OR2L13: variants seen among roughly 807,000 people sequenced by gnomAD.
The protein encoded by OR2L13 is olfactory receptor 2L13.
OR2L13 carries 14 observed loss-of-function variants against 15.3 expected under a neutral mutation model. The ratio of observed to expected loss-of-function variants is 0.91; its 90% confidence interval spans 0.60 to 1.43. OR2L13 has a LOEUF of 1.43. Ranked by LOEUF, OR2L13 falls within the 40% of genes most tolerant of loss-of-function variation. The pLI, the probability that OR2L13 is intolerant of heterozygous loss-of-function variation, is 0.00. For synonymous variants in OR2L13, 152 were observed against 142.9 expected, an observed-to-expected ratio of 1.06 and a Z score of -0.45; for missense variants, 367 against 387.9, an observed-to-expected ratio of 0.95 and a Z score of 0.45.
At chr1:248,090,899 A>G (rs139909810), upstream of OR2L13, among the ~76,000 whole-genome samples, 3 of 152,270 alleles carry the variant, frequency 2.0e-5, no homozygotes, top group Admixed American at 6.5e-5. Flanking sequence ...TTACATTTGC[A>G]CCAGTAGTGT....
At chr1:247,981,173 G>A in the OR2L13 span, among the ~76,000 whole-genome samples, 1 of 152,142 alleles carries the variant, frequency 6.6e-6, no homozygotes, top group Non-Finnish European at 1.5e-5. Flanking sequence ...GATGTTCATG[G>A]AAGAGATGGG....
chr1:247,971,778 A>T, the OR2L13 span, among the ~76,000 whole-genome samples: 2 of 152,200 alleles, frequency 1.3e-5, no homozygotes, highest in African/African-American at 4.8e-5. Flanking sequence ...CCGAATAGAC[A>T]TCTACAGAAC....
At chr1:247,942,989 A>G in the OR2L13 span, among the ~76,000 whole-genome samples, 1 of 151,940 alleles carries the variant, frequency 6.6e-6, no homozygotes, top group South Asian at 2.1e-4. Flanking sequence ...GTCTTTTGTG[A>G]CGGACTTATT....
At chr1:247,964,296 A>G in the OR2L13 span, among the ~76,000 whole-genome samples, 7 of 152,154 alleles carry the variant, frequency 4.6e-5, no homozygotes, top group African/African-American at 7.2e-5. Flanking sequence ...TTTGGATTCT[A>G]TCACATCTGA....
chr1:248,100,274 T>C, exon 3 of OR2L13: 2 of 1,611,924 alleles, frequency 1.2e-6, no homozygotes, highest in Non-Finnish European at 8.5e-7. Context: ...CTGGGGGCTA[T>C]GAGGAGAGTG....
the OR2L13 span, among the ~76,000 whole-genome samples, chr1:248,019,484 A>G: frequency 1.3e-3 from 195 of 152,278 alleles, no homozygotes; most frequent in Admixed American, 2.1e-3. Context: ...GGCACTGACT[A>G]TACTTTTATG....
chr1:248,023,403 A>G, the OR2L13 span: 1 of 152,266 alleles, frequency 6.6e-6, no homozygotes, highest in African/African-American at 2.4e-5. Flanking sequence ...GCCTTTAGTA[A>G]AACAACAATT....
chr1:248,076,568 T>C, the OR2L13 span, among the ~76,000 whole-genome samples: 1 of 152,202 alleles, frequency 6.6e-6, no homozygotes, highest in African/African-American at 2.4e-5. Context: ...TCATATCCCT[T>C]GTAAGTTGGA....
chr1:248,059,069 T>A, the OR2L13 span, among the ~76,000 whole-genome samples: 20 of 152,244 alleles, frequency 1.3e-4, no homozygotes, highest in South Asian at 1.9e-3. Context: ...TGAATTCTGA[T>A]CACAACAATT....
chr1:248,010,622 A>C, the OR2L13 span, among the ~76,000 whole-genome samples: 11 of 152,178 alleles, frequency 7.2e-5, 2 homozygotes, highest in South Asian at 2.1e-3. Flanking sequence ...TATTGGGTGC[A>C]TATATATTTA....
the OR2L13 span, among the ~76,000 whole-genome samples, chr1:247,940,667 A>C: frequency 2.0e-5 from 3 of 152,002 alleles, no homozygotes; most frequent in Admixed American, 1.3e-4. Context: ...ATAGTGCAGC[A>C]ATGAACATAT....
At chr1:248,083,376 T>G in the OR2L13 span, 7 of 333,272 alleles carry the variant, frequency 2.1e-5, no homozygotes, top group South Asian at 1.3e-4. Context: ...GAAAGTAGGA[T>G]ATATTGTCAA....
chr1:247,991,445 C>T, the OR2L13 span, among the ~76,000 whole-genome samples: 5,507 of 149,036 alleles, frequency 0.037, 702 homozygotes, highest in African/African-American at 0.13. Flanking sequence ...AAGTAGTGAT[C>T]TATTAAAAGT....
chr1:248,000,123 G>GTGT, the OR2L13 span, among the ~76,000 whole-genome samples: 19 of 138,298 alleles, frequency 1.4e-4, no homozygotes, highest in African/African-American at 4.5e-4. Context: ...TTTTTTTTTT[G>GTGT]GTGTGTGTGT....
chr1:247,960,012 C>T, the OR2L13 span, among the ~76,000 whole-genome samples: 8 of 152,168 alleles, frequency 5.3e-5, no homozygotes, highest in African/African-American at 9.7e-5. Flanking sequence ...GGAGGAGAGG[C>T]GCTCTGATTT....
At chr1:247,960,176 C>A in the OR2L13 span, among the ~76,000 whole-genome samples, 121,016 of 151,736 alleles carry the variant, frequency 0.8, 52,445 homozygotes, top group South Asian at 0.95. Flanking sequence ...CCCTCAGCTG[C>A]AGTTCTGTTG....
At chr1:248,069,559 G>A in the OR2L13 span, among the ~76,000 whole-genome samples, 13 of 152,254 alleles carry the variant, frequency 8.5e-5, no homozygotes, top group South Asian at 1.7e-3. Flanking sequence ...GGAAGAAACC[G>A]CATCAACTGT....
At chr1:248,021,955 A>G in the OR2L13 span, 3 of 1,612,374 alleles carry the variant, frequency 1.9e-6, no homozygotes, top group Non-Finnish European at 2.5e-6. Flanking sequence ...CCCATGGAAA[A>G]TTACAATCAA....
chr1:248,099,647 T>C, exon 3 of OR2L13: 1 of 1,614,130 alleles, frequency 6.2e-7, no homozygotes. Context: ...CAGAAAGGCA[T>C]CTCCTTCCTG....
Sources: allele counts gnomAD v4.1 joint callset (sites outside exome capture counted in the v4.1 genomes callset), GRCh38; gene constraint gnomAD v4.1.1; transcripts MANE v1.5; gene names NCBI Gene and HGNC (gene_info 2026-07-23, HGNC 2026-07-21).